The following LOXL2 variants were observed in gnomAD, a reference collection of about 807,000 sequenced individuals.
LOXL2 encodes the protein lysyl oxidase homolog 2.
In LOXL2, 70 loss-of-function variants were observed where a neutral mutation model predicts 93.0. The observed-to-expected ratio is 0.75, with a 90% CI of 0.62 to 0.92. LOXL2 has a LOEUF of 0.92. Among genes scored for constraint, LOXL2 ranks in the 40% least tolerant of loss-of-function variants. LOXL2 has a pLI of 0.00. For synonymous variants in LOXL2, 438 were observed against 413.2 expected (o/e 1.06, Z -0.73); for missense variants, 973 against 1,054.9 (o/e 0.92, Z 1.08).
intron 4 of LOXL2, among the ~76,000 whole-genome samples, chr8:23,338,400 C>A (rs1038264191): frequency 3.3e-5 from 5 of 151,826 alleles, no homozygotes; most frequent in African/African-American, 4.8e-5. Flanking sequence ...GGGAGCCAGT[C>A]CAGTAAGGCA....
chr8:23,402,768 T>C (rs981515213), intron 1 of LOXL2: 6 of 151,872 alleles, frequency 4.0e-5, no homozygotes, highest in African/African-American at 1.2e-4. Flanking sequence ...AGCGTTTTTC[T>C]TCCTCTGGGA....
intron 7 of LOXL2, chr8:23,321,790 CAGCCAGGCTGCA>C: frequency 4.1e-6 from 1 of 244,906 alleles, no homozygotes; most frequent in East Asian, 8.6e-5. Flanking sequence ...CAGCAGAGCA[CAGCCAGGCTGCA>C]CCGTGTTTTG....
intron 6 of LOXL2, 134 bp from the exon 7 acceptor site, chr8:23,322,415 C>G: frequency 1.4e-6 from 1 of 689,944 alleles, no homozygotes; most frequent in Non-Finnish European, 2.4e-6. Context: ...GTAATCAGCT[C>G]AATGACCCAA....
rs372744782 is a variant in LOXL2 at position 23,320,602 on chromosome 8, G to A, written c.1303-550C>T. The stretch of plus-strand genomic sequence containing the variant: ...AAATGACCGGGTGTGGCCATGTTCC[G>A]ATACAACTTTATCTTAAAAAAGAGG... On this transcript the variant is annotated intron_variant, in intron 7 of 13. Transcript: ENST00000389131. 8.5e-5 allele frequency among the ~76,000 whole-genome samples: 13 copies of A among 152,230 alleles called. No individual in the cohort carries two copies. The East Asian group carries it at 1.9e-3, about 23-fold the overall frequency.
In LOXL2 at chr8:23,315,660, T is replaced by C. The variant is rs576904569; in HGVS notation, c.1636+1289A>G. Among the ~76,000 whole-genome samples, 3 of 152,308 alleles carry C rather than the reference T, an allele frequency of 2.0e-5. No homozygotes were observed. The South Asian group carries it at 6.2e-4, about 32-fold the overall frequency. Reference sequence around the variant, plus strand: ...AGTTATATTAATGACCAGTATTCTCTTTGCTCTGGCTGCTAGGAAGCTCAC... The same window carrying C: ...AGTTATATTAATGACCAGTATTCTCCTTGCTCTGGCTGCTAGGAAGCTCAC... On this transcript the variant is annotated intron_variant, in intron 9 of 13. Coordinates refer to ENST00000389131, the MANE Select transcript of LOXL2 (RefSeq NM_002318.3).
Position 23,309,685 on chromosome 8 carries a change from G to A in LOXL2, c.1863C>T (p.Ile621=). The change falls in exon 10 of 14, where the codon ATC becomes ATT. Residue 621 remains isoleucine (I), a synonymous_variant. Coordinates refer to ENST00000389131, the MANE Select transcript of LOXL2 (RefSeq NM_002318.3). ...AGGCCTACCTGTGACAGTCGTGCCA[G>A]ATCCACGCGTGGCGGCCGTTCTTGG... ...FRPKNGRHAW[I]WHDCHRHYHS... The A allele has an allele frequency of 6.7e-7, 1 of 1,499,184 alleles. No individual in the cohort carries two copies. Among genetic ancestry groups the A allele is most frequent in the African/African-American group, 1.4e-5 (1 of 71,812 alleles). The allele number at this position is 1,499,184 out of a possible 1,614,324, so 92.9% of individuals were successfully genotyped here.
At chr8:23,332,396 ACACT>A (rs898976145) in intron 5 of LOXL2, among the ~76,000 whole-genome samples, 3 of 115,752 alleles carry the variant, frequency 2.6e-5, no homozygotes, top group Admixed American at 9.9e-5. Flanking sequence ...TCATACACAC[ACACT>A]CATACACACA....
intron 3 of LOXL2, among the ~76,000 whole-genome samples, chr8:23,352,401 G>A (rs1804109103): frequency 6.6e-6 from 1 of 152,172 alleles, no homozygotes; most frequent in Non-Finnish European, 1.5e-5. Flanking sequence ...ACTGCACAGA[G>A]GTGAAAATAG....
intron 10 of LOXL2, among the ~76,000 whole-genome samples, chr8:23,308,073 C>T (rs767218745): frequency 2.0e-5 from 3 of 151,710 alleles, no homozygotes; most frequent in Non-Finnish European, 4.4e-5. Flanking sequence ...CTCTCTGCAA[C>T]TCCTAGCATT....
intron 7 of LOXL2, among the ~76,000 whole-genome samples, chr8:23,320,674 A>G (rs1229942597): frequency 6.6e-6 from 1 of 152,216 alleles, no homozygotes; most frequent in East Asian, 1.9e-4. Context: ...TTGCGGGGCC[A>G]AGGTGGGAGG....
At chr8:23,388,423 T>A (rs4871872) in intron 1 of LOXL2, among the ~76,000 whole-genome samples, 20,204 of 151,084 alleles carry the variant, frequency 0.13, 1,618 homozygotes, top group African/African-American at 0.21. Flanking sequence ...ACAAAAAAAT[T>A]TTTTTTTTTA....
intron 10 of LOXL2, among the ~76,000 whole-genome samples, chr8:23,307,953 G>GGAAAAAAAAAAAAA (rs58347035): frequency 0.021 from 1,741 of 83,522 alleles, 599 homozygotes; most frequent in African/African-American, 0.031. Flanking sequence ...GCTGCGATAT[G>GGAAAAAAAAAAAAA]AAAAAAAAAA....
intron 1 of LOXL2, among the ~76,000 whole-genome samples, chr8:23,400,333 A>G (rs1392599331): frequency 2.0e-5 from 3 of 152,334 alleles, no homozygotes; most frequent in East Asian, 1.9e-4. Context: ...ACAAAGGAAG[A>G]GCAAAGGAAC....
intron 1 of LOXL2, among the ~76,000 whole-genome samples, chr8:23,381,705 T>C (rs558721545): frequency 2.0e-5 from 3 of 152,324 alleles, no homozygotes; most frequent in South Asian, 4.1e-4. Context: ...TTCACATTGG[T>C]ATCCTTCCAA....
chr8:23,337,920 G>A (rs1295060580), intron 4 of LOXL2, among the ~76,000 whole-genome samples: 1 of 152,184 alleles, frequency 6.6e-6, no homozygotes, highest in Non-Finnish European at 1.5e-5. Flanking sequence ...GTATGTGCAG[G>A]TAACTGGAGG....
intron 6 of LOXL2, among the ~76,000 whole-genome samples, chr8:23,324,815 A>G (rs1803550762): frequency 6.6e-6 from 1 of 152,240 alleles, no homozygotes; most frequent in East Asian, 1.9e-4. Context: ...GGTTACATTC[A>G]GATTGTAGGA....
intron 3 of LOXL2, among the ~76,000 whole-genome samples, chr8:23,358,667 A>G (rs1804237206): frequency 6.6e-6 from 1 of 152,336 alleles, no homozygotes; most frequent in Middle Eastern, 3.4e-3. Context: ...AACTGTTTGG[A>G]TAAAGAATTT....
chr8:23,351,585 T>G (rs978205017), intron 3 of LOXL2, among the ~76,000 whole-genome samples: 1 of 152,258 alleles, frequency 6.6e-6, no homozygotes, highest in Admixed American at 6.5e-5. Flanking sequence ...TAGAATGTTA[T>G]GTATTGGTTT....
chr8:23,297,746 A>C lies in LOXL2; in HGVS notation c.*297T>G. 1 of 324,844 alleles carries C rather than the reference A, an allele frequency of 3.1e-6. No individual in the cohort carries two copies. The allele number at this position is 324,844 out of a possible 1,614,324, so 20.1% of individuals were successfully genotyped here. A position where few individuals can be genotyped will look rare whatever the true frequency, so the allele number is the denominator to read the frequency against. On this transcript the variant is annotated 3_prime_UTR_variant, in exon 14 of 14. Coordinates refer to ENST00000389131, the MANE Select transcript of LOXL2 (RefSeq NM_002318.3). ...GCTTGAATGGGACAAGCTGATGACA[A>C]CCTGTCTGTGGGCCTCATCCCGGTC...
Sources: allele counts gnomAD v4.1 joint callset (sites outside exome capture counted in the v4.1 genomes callset), GRCh38; gene constraint gnomAD v4.1.1; transcripts MANE v1.5; gene names NCBI Gene and HGNC (gene_info 2026-07-23, HGNC 2026-07-21).